PLEKHG5: variants seen among roughly 807,000 people sequenced by gnomAD.
PLEKHG5 encodes the protein pleckstrin homology and RhoGEF domain containing G5.
A neutral mutation model predicts 103.8 loss-of-function variants in PLEKHG5; 52 were observed. The ratio of observed to expected loss-of-function variants is 0.50; its 90% CI spans 0.40 to 0.63. PLEKHG5 has a LOEUF of 0.63. Among genes scored for constraint, PLEKHG5 ranks in the 30% least tolerant of loss-of-function variants. The probability of loss-of-function intolerance (pLI) is 0.00; values close to 1 mark genes in which losing one functional copy is unlikely to be tolerated. For missense variants in PLEKHG5, 1,205 were observed against 1,347.6 expected (o/e 0.89, Z 1.66); for synonymous variants, 592 against 575.5 (o/e 1.03, Z -0.41).
intron 1 of PLEKHG5, among the ~76,000 whole-genome samples, chr1:6,479,145 C>T (rs1644837037): frequency 6.6e-6 from 1 of 152,140 alleles, no homozygotes; most frequent in Non-Finnish European, 1.5e-5. Flanking sequence ...AGAATTGTCG[C>T]ACTTGGGAAA....
chr1:6,507,248 A>G (rs908475610), intron 1 of PLEKHG5, among the ~76,000 whole-genome samples: 2 of 152,154 alleles, frequency 1.3e-5, no homozygotes, highest in African/African-American at 2.4e-5. Context: ...CACTTCCTTC[A>G]TGGCACAGAT....
At chr1:6,475,885 C>T (rs927654318) in intron 3 of PLEKHG5, 46 bp downstream of exon 3, 5 of 1,476,532 alleles carry the variant, frequency 3.4e-6, no homozygotes, top group Admixed American at 3.3e-5. Context: ...GAGACCCAGC[C>T]GTGGGGCCCT....
intron 13 of PLEKHG5, 22 bp from the exon 14 acceptor site, chr1:6,470,906 G>GA (rs769550914): frequency 6.4e-6 from 9 of 1,402,676 alleles, no homozygotes; most frequent in East Asian, 2.7e-5. Context: ...GAGTGGGGGC[G>GA]GGCTCAGGGC....
chr1:6,518,852 G>A (rs1427713023), intron 1 of PLEKHG5, among the ~76,000 whole-genome samples: 1 of 152,068 alleles, frequency 6.6e-6, no homozygotes, highest in African/African-American at 2.4e-5. Context: ...ATATGTTTTT[G>A]TTTTTGTTTG....
Position 6,486,015 on chromosome 1 carries a change from G to C in PLEKHG5, c.-88+5622C>G. The stretch of plus-strand genomic sequence containing the variant: ...TTGGAGACTGTGGAGCCCCTCCCCT[G>C]GGTGACTCGATCCCCGCCCAGCCCT... On this transcript the variant is annotated intron_variant, in intron 1 of 20. Coordinates refer to ENST00000377728, the MANE Select transcript of PLEKHG5 (RefSeq NM_020631.6). The surrounding 1 kb of genome is among the most constrained non-coding windows in gnomAD (Gnocchi z 5.3). 1 of 550,862 alleles carries C rather than the reference G, an allele frequency of 1.8e-6. No individual in the cohort carries two copies. Among genetic ancestry groups the C allele is most frequent in the Non-Finnish European group, 2.3e-6 (1 of 440,278 alleles). The allele number at this position is 550,862 out of a possible 1,614,324, so 34.1% of individuals were successfully genotyped here. A position where few individuals can be genotyped will look rare whatever the true frequency, so the allele number is the denominator to read the frequency against.
intron 1 of PLEKHG5, among the ~76,000 whole-genome samples, chr1:6,515,032 G>A (rs1050189810): frequency 1.3e-5 from 2 of 151,856 alleles, no homozygotes; most frequent in East Asian, 1.9e-4. Context: ...CCAGCCTGGC[G>A]AGAGAGCAAG....
Position 6,472,526 on chromosome 1 carries a change from C to T in PLEKHG5, c.1080+1G>A, listed in dbSNP as rs1553174500. On this transcript the variant is annotated splice_donor_variant, in intron 10 of 20. Transcript: ENST00000377728. LOFTEE classifies it high-confidence loss of function. Reference sequence around the variant, plus strand: ...CGGGGACCAGCGCAGCCCCTACTCACGTTGATGATCACCCGCAGTTTCCTG... The same window carrying T: ...CGGGGACCAGCGCAGCCCCTACTCATGTTGATGATCACCCGCAGTTTCCTG... The T allele has an allele frequency of 1.2e-6, 2 of 1,606,184 alleles. No individual in the cohort carries two copies. The highest frequency in any genetic ancestry group is 1.7e-6 in the Non-Finnish European group (2 of 1,173,120).
chr1:6,468,202 G>C lies in PLEKHG5; in HGVS notation c.2634C>G (p.Ser878=). The C allele has an allele frequency of 1.3e-6, 2 of 1,576,890 alleles. No individual in the cohort carries two copies. Among genetic ancestry groups the C allele is most frequent in the Non-Finnish European group, 1.7e-6 (2 of 1,158,938 alleles). Residue 878 remains serine (S), a synonymous_variant, in exon 20 of 21, where the codon TCC becomes TCG. Coordinates refer to ENST00000377728, the MANE Select transcript of PLEKHG5 (RefSeq NM_020631.6). ...SCPPHLLKSK[S]EASLLQLLAG... is the part of the protein sequence containing the mutation. ...CCAGCAGCTGGAGGAGGCTGGCCTC[G>C]GACTTAGACTTGAGCAGGTGGGGCG...
intron 1 of PLEKHG5, among the ~76,000 whole-genome samples, chr1:6,512,415 A>T (rs1019662254): frequency 3.9e-5 from 6 of 152,118 alleles, no homozygotes; most frequent in African/African-American, 1.4e-4. Flanking sequence ...AACCTCCCTG[A>T]CCTTCGAGCC....
At position 6,467,223 on chromosome 1, in the gene PLEKHG5, T is replaced by C; in HGVS notation, c.*340A>G. 1 of 500,720 alleles carries C rather than the reference T, an allele frequency of 2.0e-6. No individual in the cohort carries two copies. Among genetic ancestry groups the C allele is most frequent in the Non-Finnish European group, 3.7e-6 (1 of 272,330 alleles). The allele number at this position is 500,720 out of a possible 1,614,324, so 31.0% of individuals were successfully genotyped here. A position where few individuals can be genotyped will look rare whatever the true frequency, so the allele number is the denominator to read the frequency against. On this transcript the variant is annotated 3_prime_UTR_variant, in exon 21 of 21. Transcript: ENST00000377728. ...GGGGTGGCCTGTGGGACTGGGAAGG[T>C]GGGGGCAGGGCAGGAGTGAATCCCA...
At chr1:6,467,750 G>A (rs986653605) in intron 20 of PLEKHG5, 75 bp downstream of exon 20, 76 of 1,563,282 alleles carry the variant, frequency 4.9e-5, no homozygotes, top group Non-Finnish European at 5.8e-5. Context: ...CCCCAAATGC[G>A]ATGCTCCCAG....
chr1:6,504,994 C>A (rs973823678), intron 1 of PLEKHG5, among the ~76,000 whole-genome samples: 9 of 152,040 alleles, frequency 5.9e-5, no homozygotes, highest in Non-Finnish European at 1.3e-4. Context: ...CAGGGAAGGA[C>A]CACGCCAGCC....
At chr1:6,506,862 C>T (rs1022285801) in intron 1 of PLEKHG5, among the ~76,000 whole-genome samples, 11 of 152,220 alleles carry the variant, frequency 7.2e-5, no homozygotes, top group African/African-American at 2.7e-4. Flanking sequence ...CTTCACCAGG[C>T]TGCCTCCTCC....
intron 2 of PLEKHG5, among the ~76,000 whole-genome samples, chr1:6,476,842 T>C (rs1022017106): frequency 3.3e-5 from 5 of 151,916 alleles, no homozygotes; most frequent in African/African-American, 7.3e-5. Flanking sequence ...GGAGCCTCCA[T>C]TGTCGGGGTT....
chr1:6,503,185 G>A (rs1402495664), intron 1 of PLEKHG5, among the ~76,000 whole-genome samples: 2 of 152,136 alleles, frequency 1.3e-5, no homozygotes, highest in Non-Finnish European at 2.9e-5. Context: ...AGCCAAGGAG[G>A]CAGAAGGATC....
At chr1:6,484,342 GC>G (rs948596616) in intron 1 of PLEKHG5, among the ~76,000 whole-genome samples, 22 of 152,170 alleles carry the variant, frequency 1.4e-4, no homozygotes, top group African/African-American at 4.8e-4. Flanking sequence ...TGGTGCCCAG[GC>G]CCGGCTGACC....
At chr1:6,482,389 G>T (rs1477069981) in intron 1 of PLEKHG5, among the ~76,000 whole-genome samples, 2 of 152,198 alleles carry the variant, frequency 1.3e-5, no homozygotes, top group African/African-American at 4.8e-5. Flanking sequence ...AGAGTTTCTG[G>T]CTGGTGAAAG....
chr1:6,477,403 A>G (rs1644789237), intron 2 of PLEKHG5, 126 bp downstream of exon 2: 1 of 1,002,896 alleles, frequency 1.0e-6, no homozygotes, highest in Non-Finnish European at 1.5e-6. Context: ...AAGGAACCGT[A>G]ACATACTCGG....
chr1:6,499,618 TG>T (rs1476789866), upstream of PLEKHG5, among the ~76,000 whole-genome samples: 1 of 152,070 alleles, frequency 6.6e-6, no homozygotes, highest in Non-Finnish European at 1.5e-5. Flanking sequence ...GAGTGGGGCC[TG>T]TGGGGCTTGG....
Sources: allele counts gnomAD v4.1 joint callset (sites outside exome capture counted in the v4.1 genomes callset), GRCh38; gene constraint gnomAD v4.1.1; non-coding constraint Gnocchi (gnomAD v3.1); transcripts MANE v1.5; gene names NCBI Gene and HGNC (gene_info 2026-07-23, HGNC 2026-07-21).